The following C2CD5 variants were observed in gnomAD, a reference collection of about 807,000 sequenced individuals.
C2CD5 encodes C2 domain-containing protein 5.
C2CD5 carries 109 observed loss-of-function variants against 130.3 expected under a neutral mutation model. That is an observed-to-expected ratio of 0.84 (90% confidence interval 0.72 to 0.98). C2CD5 has a LOEUF of 0.98. C2CD5 is among the 50% of genes least tolerant of loss of function. The probability of loss-of-function intolerance (pLI) is 0.00; values close to 1 mark genes in which losing one functional copy is unlikely to be tolerated. For missense variants in C2CD5, 996 were observed against 1,261.8 expected, an observed-to-expected ratio of 0.79 and a Z score of 3.19; for synonymous variants, 454 against 429.2, an observed-to-expected ratio of 1.06 and a Z score of -0.71.
At chr12:22,515,339 T>C (rs1949610677) in intron 8 of C2CD5, among the ~76,000 whole-genome samples, 2 of 152,180 alleles carry the variant, frequency 1.3e-5, no homozygotes, top group South Asian at 2.1e-4. Context: ...ATAACAGGCA[T>C]AGTCTAAAAC....
intron 18 of C2CD5, 59 bp downstream of exon 18, chr12:22,472,227 T>C (rs1481661979): frequency 9.5e-7 from 1 of 1,054,206 alleles, no homozygotes; most frequent in Non-Finnish European, 1.4e-6. Context: ...AATATTTAAA[T>C]GGAACTTACT....
chr12:22,504,195 A>G (rs1319531471), intron 10 of C2CD5, among the ~76,000 whole-genome samples: 3 of 152,138 alleles, frequency 2.0e-5, no homozygotes, highest in African/African-American at 7.2e-5. Context: ...CATTTTAAAT[A>G]CAACTCTCTA....
intron 3 of C2CD5, among the ~76,000 whole-genome samples, chr12:22,530,432 A>T (rs773298404): frequency 2.0e-5 from 3 of 151,754 alleles, no homozygotes; most frequent in Non-Finnish European, 4.4e-5. Context: ...ATTATTCGGG[A>T]AGACTAGTCA....
At chr12:22,492,834 T>A (rs77882437) in intron 11 of C2CD5, among the ~76,000 whole-genome samples, 1 of 152,108 alleles carries the variant, frequency 6.6e-6, no homozygotes, top group Non-Finnish European at 1.5e-5. Flanking sequence ...TAAAGACACA[T>A]TGCAATTCGT....
chr12:22,503,496 A>G lies in C2CD5; in HGVS notation c.1147+3215T>C, dbSNP rs753456502. On this transcript the variant is annotated intron_variant, in intron 10 of 26. Coordinates refer to ENST00000446597, the MANE Select transcript of C2CD5 (RefSeq NM_001286176.2). ...TTAGTGCGTAATAATACATAAAACA[A>G]TCCGAAGAATGTGACATTTTATTTT... Among the ~76,000 whole-genome samples, 45 of 152,270 alleles carry G rather than the reference A, an allele frequency of 3.0e-4. 1 individual carries two copies. The highest frequency in any genetic ancestry group is 3.8e-4 in the Non-Finnish European group (26 of 68,018).
chr12:22,524,917 A>T (rs1950595064), intron 5 of C2CD5, among the ~76,000 whole-genome samples: 1 of 151,988 alleles, frequency 6.6e-6, no homozygotes, highest in African/African-American at 2.4e-5. Flanking sequence ...ACAGAATTCA[A>T]TACAAAGTTT....
intron 19 of C2CD5, 55 bp from the exon 20 acceptor site, chr12:22,471,543 G>C (rs1591983752): frequency 1.9e-6 from 2 of 1,051,806 alleles, no homozygotes; most frequent in East Asian, 5.2e-5. Context: ...ATTTTTAAAA[G>C]CTGATTTTTT....
chr12:22,497,909 C>CACACACACACACACACACACACAT (rs1947249023), intron 10 of C2CD5, among the ~76,000 whole-genome samples: 1 of 81,400 alleles, frequency 1.2e-5, no homozygotes, highest in Non-Finnish European at 2.2e-5. Flanking sequence ...CACACACATA[C>CACACACACACACACACACACACAT]ACACACACAC....
At chr12:22,450,271 C>A (rs1452258146) in intron 26 of C2CD5, among the ~76,000 whole-genome samples, 1 of 152,060 alleles carries the variant, frequency 6.6e-6, no homozygotes, top group Admixed American at 6.6e-5. Context: ...TGAAAAGAAC[C>A]GTCTCCTAAA....
At chr12:22,491,985 T>C (rs1193265450) in intron 11 of C2CD5, among the ~76,000 whole-genome samples, 2 of 152,168 alleles carry the variant, frequency 1.3e-5, no homozygotes, top group East Asian at 1.9e-4. Flanking sequence ...CAAGATAAGC[T>C]TGACAAAGTT....
intron 12 of C2CD5, among the ~76,000 whole-genome samples, chr12:22,485,568 C>T (rs572218553): frequency 6.6e-6 from 1 of 151,916 alleles, no homozygotes; most frequent in Non-Finnish European, 1.5e-5. Flanking sequence ...CAGGCATACT[C>T]TAAGATTTCT....
chr12:22,523,904 TTG>T (rs1408945736), intron 6 of C2CD5, among the ~76,000 whole-genome samples: 1 of 151,932 alleles, frequency 6.6e-6, no homozygotes, highest in East Asian at 1.9e-4. Flanking sequence ...CATTGATACT[TTG>T]TGTGAAATAC....
intron 3 of C2CD5, among the ~76,000 whole-genome samples, chr12:22,531,094 T>C (rs1346948762): frequency 6.6e-6 from 1 of 152,164 alleles, no homozygotes. Context: ...GTAATGAAGA[T>C]AGACTCTAAT....
At chr12:22,481,939 C>T (rs1307190698) in intron 14 of C2CD5, among the ~76,000 whole-genome samples, 1 of 151,618 alleles carries the variant, frequency 6.6e-6, no homozygotes, top group Non-Finnish European at 1.5e-5. Context: ...GCCAGAAACA[C>T]CTGTATTTTA....
intron 4 of C2CD5, 136 bp downstream of exon 4, chr12:22,527,585 T>C (rs1950841862): frequency 6.2e-6 from 3 of 485,790 alleles, no homozygotes; most frequent in Non-Finnish European, 7.0e-6. Flanking sequence ...CCCAAAGTGC[T>C]GGGATTACAG....
At chr12:22,507,834 C>T (rs1028921293) in intron 9 of C2CD5, among the ~76,000 whole-genome samples, 4 of 152,170 alleles carry the variant, frequency 2.6e-5, no homozygotes, top group East Asian at 3.8e-4. Flanking sequence ...AGAACTGTTA[C>T]GGTCTCAAGC....
intron 14 of C2CD5, among the ~76,000 whole-genome samples, chr12:22,480,970 A>T (rs1236941945): frequency 6.6e-6 from 1 of 151,912 alleles, no homozygotes; most frequent in Non-Finnish European, 1.5e-5. Context: ...ACGCCTGGGT[A>T]ATTTTTGTAT....
intron 15 of C2CD5, among the ~76,000 whole-genome samples, chr12:22,475,611 C>G (rs944736368): frequency 6.6e-6 from 1 of 152,056 alleles, no homozygotes; most frequent in Non-Finnish European, 1.5e-5. Flanking sequence ...ATTGCTGATG[C>G]AACAGAATTG....
intron 26 of C2CD5, among the ~76,000 whole-genome samples, chr12:22,453,071 CA>C (rs1297648768): frequency 6.6e-6 from 1 of 152,002 alleles, no homozygotes; most frequent in African/African-American, 2.4e-5. Flanking sequence ...CAGGTAGGGG[CA>C]AAAAATATAT....
Sources: allele counts gnomAD v4.1 joint callset (sites outside exome capture counted in the v4.1 genomes callset), GRCh38; gene constraint gnomAD v4.1.1; transcripts MANE v1.5; gene names NCBI Gene and HGNC (gene_info 2026-07-23, HGNC 2026-07-21).